Variants in NCALD observed in about 807,000 individuals in gnomAD.
NCALD encodes neurocalcin delta, also known as neurocalcin-delta.
NCALD carries 10 observed loss-of-function variants against 18.6 expected under a neutral mutation model. That is an observed-to-expected ratio of 0.54 (90% confidence interval 0.33 to 0.91). The LOEUF is 0.91. Ranked by LOEUF, NCALD falls within the 40% of genes least tolerant of loss-of-function variation. The pLI is 0.03. For missense variants in NCALD, 184 were observed against 247.6 expected (o/e 0.74, Z 1.72); for synonymous variants, 88 against 87.4 (o/e 1.01, Z -0.04).
chr8:101,809,418 C>T (rs1813225710), intron 4 of NCALD, among the ~76,000 whole-genome samples: 1 of 152,096 alleles, frequency 6.6e-6, no homozygotes, highest in Admixed American at 6.5e-5. Context: ...GAAAATGGTC[C>T]ACAAATCACC....
At chr8:102,064,460 C>T (rs1025151986) in intron 1 of NCALD, among the ~76,000 whole-genome samples, 2 of 152,232 alleles carry the variant, frequency 1.3e-5, no homozygotes, top group African/African-American at 4.8e-5. Context: ...ACCTCCACAA[C>T]ACCACTGGGC....
chr8:101,942,197 T>G (rs999396518), intron 2 of NCALD, among the ~76,000 whole-genome samples: 3 of 152,188 alleles, frequency 2.0e-5, no homozygotes, highest in Non-Finnish European at 2.9e-5. Flanking sequence ...CTGACTGCAC[T>G]TGGTAACCCA....
intron 2 of NCALD, among the ~76,000 whole-genome samples, chr8:101,696,188 T>G (rs1814983086): frequency 6.6e-6 from 1 of 152,206 alleles, no homozygotes; most frequent in South Asian, 2.1e-4. Context: ...GACTGCCTCT[T>G]CATCCATCCA....
chr8:101,824,766 T>A (rs1214215208), intron 4 of NCALD, among the ~76,000 whole-genome samples: 2 of 152,198 alleles, frequency 1.3e-5, no homozygotes, highest in Admixed American at 6.5e-5. Flanking sequence ...CAGAATGAAG[T>A]AAGCCCAAAA....
chr8:101,786,964 G>A (rs1425130685), intron 1 of NCALD, among the ~76,000 whole-genome samples: 1 of 151,974 alleles, frequency 6.6e-6, no homozygotes, highest in Non-Finnish European at 1.5e-5. Context: ...AGATAAAAAG[G>A]GCAGACTGTT....
At chr8:101,812,692 A>G (rs970338316) in intron 4 of NCALD, among the ~76,000 whole-genome samples, 1 of 152,154 alleles carries the variant, frequency 6.6e-6, no homozygotes, top group Non-Finnish European at 1.5e-5. Context: ...ATTGAGTAAC[A>G]ATGGAACCTT....
At chr8:101,889,854 C>T (rs1816808263) in intron 3 of NCALD, among the ~76,000 whole-genome samples, 1 of 152,070 alleles carries the variant, frequency 6.6e-6, no homozygotes, top group South Asian at 2.1e-4. Context: ...AGGAACTATA[C>T]CCAAAGATTA....
At chr8:101,868,243 G>A (rs1215526497) in intron 4 of NCALD, among the ~76,000 whole-genome samples, 1 of 152,022 alleles carries the variant, frequency 6.6e-6, no homozygotes, top group Non-Finnish European at 1.5e-5. Flanking sequence ...TTTTGTGTGT[G>A]CTCCTCCTCA....
upstream of NCALD, among the ~76,000 whole-genome samples, chr8:101,795,752 T>G (rs187413836): frequency 1.3e-5 from 2 of 152,306 alleles, no homozygotes; most frequent in African/African-American, 4.8e-5. Flanking sequence ...TTAAGTGGTG[T>G]GGGGCTTTTA....
intron 2 of NCALD, among the ~76,000 whole-genome samples, chr8:101,921,327 T>A (rs1449559408): frequency 6.6e-6 from 1 of 151,832 alleles, no homozygotes; most frequent in Non-Finnish European, 1.5e-5. Flanking sequence ...TTATTAGGAA[T>A]AAAATATCAA....
At chr8:102,003,596 T>G (rs1312431062) in intron 2 of NCALD, among the ~76,000 whole-genome samples, 1 of 152,204 alleles carries the variant, frequency 6.6e-6, no homozygotes, top group Non-Finnish European at 1.5e-5. Context: ...TTTAGACCAA[T>G]ATCCCTGATG....
At position 101,707,198 on chromosome 8, in the gene NCALD, G is replaced by A. The variant is rs147548841; in HGVS notation, c.378+12054C>T. ...AGGCCCATATTAAAAGTGACAGAGT[G>A]TCTATTTAGAACAGTCTTTGGGGGA... On this transcript the variant is annotated intron_variant, in intron 2 of 3. Coordinates refer to ENST00000220931, the MANE Select transcript of NCALD (RefSeq NM_032041.3). Among the ~76,000 whole-genome samples the A allele has an allele frequency of 5.3e-3, 808 of 152,264 alleles. 6 individuals carry two copies. Among genetic ancestry groups the A allele is most frequent in the Non-Finnish European group, 8.9e-3 (603 of 68,020 alleles).
intron 1 of NCALD, among the ~76,000 whole-genome samples, chr8:102,051,873 T>C (rs1271694410): frequency 6.6e-6 from 1 of 152,240 alleles, no homozygotes; most frequent in Non-Finnish European, 1.5e-5. Context: ...TGGAAGATAT[T>C]CGTCTAAGGT....
At chr8:101,947,808 G>A (rs183127547) in intron 2 of NCALD, among the ~76,000 whole-genome samples, 183 of 152,318 alleles carry the variant, frequency 1.2e-3, no homozygotes, top group African/African-American at 4.3e-3. Context: ...CCTGAAGGAT[G>A]ACAAGGAGCT....
At chr8:101,850,707 A>G (rs1231261180) in intron 4 of NCALD, among the ~76,000 whole-genome samples, 7 of 152,210 alleles carry the variant, frequency 4.6e-5, no homozygotes, top group Non-Finnish European at 1.0e-4. Context: ...GTATCCTTAC[A>G]CTTTCAATTA....
At position 102,050,419 on chromosome 8, in the gene NCALD, G is replaced by A. The variant is rs190674485; in HGVS notation, c.-209-30130C>T. Reference sequence around the variant, plus strand: ...AATGTTATGTAATTGATACTGCAAGGTGAAACACTAAAAAGTGAAATAACT... The same window carrying A: ...AATGTTATGTAATTGATACTGCAAGATGAAACACTAAAAAGTGAAATAACT... On this transcript the variant is annotated intron_variant, in intron 1 of 6. Coordinates refer to the NCALD transcript ENST00000311028. Among the ~76,000 whole-genome samples the A allele has an allele frequency of 1.1e-3, 162 of 150,782 alleles. 3 individuals carry two copies. In the East Asian group the frequency reaches 0.029, roughly 27 times the overall value.
chr8:101,876,778 T>G (rs1816245788), intron 4 of NCALD, among the ~76,000 whole-genome samples: 1 of 152,280 alleles, frequency 6.6e-6, no homozygotes, highest in Admixed American at 6.5e-5. Flanking sequence ...AATACTGTTA[T>G]GCATGTTGCT....
chr8:101,861,044 T>C (rs532668700), intron 4 of NCALD, among the ~76,000 whole-genome samples: 2 of 152,186 alleles, frequency 1.3e-5, no homozygotes, highest in East Asian at 1.9e-4. Context: ...TCCTCTAGAA[T>C]TGGAAAAGCA....
At chr8:101,712,031 G>T (rs919842038) in intron 2 of NCALD, among the ~76,000 whole-genome samples, 3 of 152,178 alleles carry the variant, frequency 2.0e-5, no homozygotes, top group Non-Finnish European at 4.4e-5. Context: ...GAAAGGCTGG[G>T]TTACCCATAA....
Sources: allele counts gnomAD v4.1 joint callset (sites outside exome capture counted in the v4.1 genomes callset), GRCh38; gene constraint gnomAD v4.1.1; transcripts MANE v1.5; gene names NCBI Gene and HGNC (gene_info 2026-07-23, HGNC 2026-07-21).